IL1RAPL2: variants seen among roughly 807,000 people sequenced by gnomAD.
IL1RAPL2 encodes the protein X-linked interleukin-1 receptor accessory protein-like 2.
In IL1RAPL2, 3 loss-of-function variants were observed where a neutral mutation model predicts 44.1. The observed-to-expected ratio is 0.07, with a 90% confidence interval of 0.03 to 0.18. The LOEUF (loss-of-function observed/expected upper bound fraction) is 0.18, where lower values mean the gene tolerates loss of function less well. IL1RAPL2 is among the 10% of genes least tolerant of loss of function. IL1RAPL2 has a pLI of 1.00. For synonymous variants in IL1RAPL2, 181 were observed against 178.8 expected, an observed-to-expected ratio of 1.01 and a Z score of -0.10; for missense variants, 391 against 496.4, an observed-to-expected ratio of 0.79 and a Z score of 2.02.
At chrX:105,090,419 A>G (rs1446948057) in intron 2 of IL1RAPL2, among the ~76,000 whole-genome samples, 2 of 112,222 alleles carry the variant, frequency 1.8e-5, no homozygotes, top group African/African-American at 3.2e-5. Flanking sequence ...CATGTTTTTC[A>G]AGGATCAAAT....
intron 6 of IL1RAPL2, among the ~76,000 whole-genome samples, chrX:105,694,857 C>T (rs1360955523): frequency 9.0e-6 from 1 of 111,455 alleles, no homozygotes; most frequent in Admixed American, 9.6e-5. Context: ...TAGAACACTA[C>T]ACATAATATG....
chrX:105,014,415 C>A, intron 2 of IL1RAPL2, among the ~76,000 whole-genome samples: 1 of 110,563 alleles, frequency 9.0e-6, no homozygotes, highest in East Asian at 2.9e-4. Flanking sequence ...CTGCACCCAT[C>A]GACCCGTCAT....
At chrX:105,758,977 G>C (rs925820712) in intron 10 of IL1RAPL2, among the ~76,000 whole-genome samples, 2 of 111,686 alleles carry the variant, frequency 1.8e-5, no homozygotes, top group Non-Finnish European at 3.8e-5. Flanking sequence ...TGTGTTCATG[G>C]GGCCTAGAGG....
intron 1 of IL1RAPL2, among the ~76,000 whole-genome samples, chrX:104,585,284 A>G (rs1326855967): frequency 5.4e-5 from 1 of 18,505 alleles, no homozygotes; most frequent in African/African-American, 4.9e-4. Context: ...TATATATTAT[A>G]TAATATATTA....
intron 5 of IL1RAPL2, among the ~76,000 whole-genome samples, chrX:105,329,591 A>C (rs1048265678): frequency 1.8e-5 from 2 of 111,808 alleles, no homozygotes; most frequent in African/African-American, 3.2e-5. Context: ...TGGGATAAAA[A>C]CTTTCAAATG....
intron 1 of IL1RAPL2, among the ~76,000 whole-genome samples, chrX:104,652,754 A>C (rs1930175992): frequency 8.9e-6 from 1 of 111,733 alleles, no homozygotes; most frequent in South Asian, 3.8e-4. Context: ...TGATTGTATA[A>C]CTTTTTAGCT....
intron 6 of IL1RAPL2, among the ~76,000 whole-genome samples, chrX:105,662,653 G>A (rs1406424105): frequency 8.9e-6 from 1 of 111,822 alleles, no homozygotes; most frequent in Non-Finnish European, 1.9e-5. Flanking sequence ...GATCATAAAA[G>A]GTACTGTGTC....
intron 2 of IL1RAPL2, among the ~76,000 whole-genome samples, chrX:104,860,535 A>G (rs1922465481): frequency 9.0e-6 from 1 of 111,624 alleles, no homozygotes; most frequent in Non-Finnish European, 1.9e-5. Flanking sequence ...CAGAAATAAT[A>G]CAGGTTAAAG....
At chrX:105,231,958 A>C (rs1404808764) in intron 3 of IL1RAPL2, among the ~76,000 whole-genome samples, 7 of 112,318 alleles carry the variant, frequency 6.2e-5, no homozygotes, top group African/African-American at 2.3e-4. Flanking sequence ...GCATTTAAAG[A>C]GGCTGTCCAA....
At chrX:105,715,898 A>G (rs1401974389) in intron 6 of IL1RAPL2, among the ~76,000 whole-genome samples, 2 of 111,336 alleles carry the variant, frequency 1.8e-5, no homozygotes, top group Non-Finnish European at 3.8e-5. Flanking sequence ...ATGGGTGTGG[A>G]CTCTAAATTC....
intron 5 of IL1RAPL2, among the ~76,000 whole-genome samples, chrX:105,372,598 A>G (rs1385357162): frequency 9.0e-6 from 1 of 110,934 alleles, no homozygotes; most frequent in African/African-American, 3.3e-5. Context: ...CCTAATATCC[A>G]TTGGTCATTT....
chrX:105,676,512 A>G (rs1473770996), intron 6 of IL1RAPL2, among the ~76,000 whole-genome samples: 2 of 111,754 alleles, frequency 1.8e-5, no homozygotes, highest in Non-Finnish European at 3.8e-5. Context: ...CTTAGGGACT[A>G]TACACAGGAA....
At chrX:105,200,925 A>C (rs782510026) in intron 3 of IL1RAPL2, among the ~76,000 whole-genome samples, 1 of 111,463 alleles carries the variant, frequency 9.0e-6, no homozygotes, top group Non-Finnish European at 1.9e-5. Flanking sequence ...CCACACACAC[A>C]CACACACACA....
At chrX:105,095,848 T>G (rs942216798) in intron 2 of IL1RAPL2, among the ~76,000 whole-genome samples, 1 of 111,683 alleles carries the variant, frequency 9.0e-6, no homozygotes, top group African/African-American at 3.3e-5. Context: ...AAATGAGACT[T>G]CATAAAAATT....
At chrX:105,322,632 C>T (rs1341910516) in intron 5 of IL1RAPL2, among the ~76,000 whole-genome samples, 2 of 112,044 alleles carry the variant, frequency 1.8e-5, no homozygotes, top group African/African-American at 3.2e-5. Flanking sequence ...ATTTGCTTTC[C>T]TCCAAGTCAA....
chrX:105,218,528 G>A (rs2033890534), intron 3 of IL1RAPL2, among the ~76,000 whole-genome samples: 1 of 111,256 alleles, frequency 9.0e-6, no homozygotes, highest in Non-Finnish European at 1.9e-5. Context: ...GCCTAGATGC[G>A]AGTAGAGGGT....
chrX:105,579,330 T>C (rs2037072294), intron 6 of IL1RAPL2, among the ~76,000 whole-genome samples: 1 of 111,571 alleles, frequency 9.0e-6, no homozygotes, highest in South Asian at 3.7e-4. Flanking sequence ...TAGAAAAATA[T>C]ATAAAACCAA....
chrX:104,865,488 T>C (rs1206485737), intron 2 of IL1RAPL2, among the ~76,000 whole-genome samples: 3 of 111,257 alleles, frequency 2.7e-5, no homozygotes, highest in African/African-American at 9.8e-5. Flanking sequence ...AGTGTCAACT[T>C]AATTGGACTA....
At chrX:105,340,774 CCA>C (rs1217585150) in intron 5 of IL1RAPL2, among the ~76,000 whole-genome samples, 1 of 112,194 alleles carries the variant, frequency 8.9e-6, no homozygotes, top group Non-Finnish European at 1.9e-5. Context: ...TACTCTCAAT[CCA>C]CCTTACTCTG....
Sources: allele counts gnomAD v4.1 joint callset (sites outside exome capture counted in the v4.1 genomes callset), GRCh38; gene constraint gnomAD v4.1.1; transcripts MANE v1.5; gene names NCBI Gene and HGNC (gene_info 2026-07-23, HGNC 2026-07-21).